The following C1orf115 variants were observed in gnomAD, a reference collection of about 807,000 sequenced individuals.
The protein encoded by C1orf115 is required for drug-induced death protein 1.
C1orf115 carries 14 observed loss-of-function variants against 12.5 expected under a neutral mutation model. The ratio of observed to expected loss-of-function variants is 1.12; its 90% CI spans 0.74 to 1.75. C1orf115 has a LOEUF of 1.75. Among genes scored for constraint, C1orf115 ranks in the 40% most tolerant of loss-of-function variants. C1orf115 has a pLI of 0.00. For synonymous variants in C1orf115, 109 were observed against 104.6 expected (o/e 1.04, Z -0.26); for missense variants, 237 against 220.8 (o/e 1.07, Z -0.46).
In C1orf115 at chr1:220,697,539, C is replaced by T. The variant is rs1294695973; in HGVS notation, c.*808C>T. ...CGGCCCAGCCACGTGTTTGCAGCGA[C>T]CAGAGTCCCTGCAAAGGTGTGGCTG... On this transcript the variant is annotated 3_prime_UTR_variant, in exon 2 of 2. Transcript: ENST00000294889. The surrounding 1 kb of genome is among the most constrained non-coding windows in gnomAD (Gnocchi z 4.5). The T allele has an allele frequency of 6.6e-6, 1 of 152,236 alleles. No homozygotes were observed. Among genetic ancestry groups the T allele is most frequent in the African/African-American group, 2.4e-5 (1 of 41,448 alleles). The allele number at this position is 152,236 out of a possible 1,614,324, so 9.4% of individuals were successfully genotyped here.
chr1:220,696,774 C>T lies in C1orf115; in HGVS notation c.*43C>T. The T allele has an allele frequency of 1.9e-6, 3 of 1,542,090 alleles. No individual in the cohort carries two copies. Among genetic ancestry groups the T allele is most frequent in the Non-Finnish European group, 2.7e-6 (3 of 1,129,684 alleles). On this transcript the variant is annotated 3_prime_UTR_variant, in exon 2 of 2. Coordinates refer to ENST00000294889, the MANE Select transcript of C1orf115 (RefSeq NM_024709.5). Reference sequence around the variant, plus strand: ...GGTGCCCCCAGAGTGAACGGGAGCCCCTGCTGTGGGAACTTTGTGAATCCT... The same window carrying T: ...GGTGCCCCCAGAGTGAACGGGAGCCTCTGCTGTGGGAACTTTGTGAATCCT...
Position 220,694,080 on chromosome 1 carries a change from CAAAAA to C in C1orf115, c.310-2514_310-2510del, listed in dbSNP as rs11353067. ...GGGCAACAAGAGCAAAACGCGGTCT[CAAAAA>C]AAAAAAAAAAAAAAAAAGCTCAAGT... On this transcript the variant is annotated intron_variant, in intron 1 of 1. Transcript: ENST00000294889. Among the ~76,000 whole-genome samples, 7 of 72,042 alleles carry C rather than the reference CAAAAA, an allele frequency of 9.7e-5. No homozygotes were observed. In the South Asian group the frequency reaches 3.4e-3, roughly 35 times the overall value. 47.3% of individuals were successfully genotyped at this position (72,042 alleles called of 152,430 possible). A position where few individuals can be genotyped will look rare whatever the true frequency, so the allele number is the denominator to read the frequency against.
chr1:220,697,019 A>G lies in C1orf115; in HGVS notation c.*288A>G, dbSNP rs1670205610. On this transcript the variant is annotated 3_prime_UTR_variant, in exon 2 of 2. Transcript: ENST00000294889. This position sits in a 1 kb window ranked among gnomAD's most constrained non-coding sequence, Gnocchi z 4.5. ...TGCTAAAGCCAGAGCCTTCACGTGA[A>G]GGTGGCAGGCACTGGGGCGGAAGCC... The G allele has an allele frequency of 1.1e-5, 3 of 261,524 alleles. No individual in the cohort carries two copies. The highest frequency in any genetic ancestry group is 2.2e-5 in the African/African-American group (1 of 45,992). 16.2% of individuals were successfully genotyped at this position (261,524 alleles called of 1,614,324 possible). A position where few individuals can be genotyped will look rare whatever the true frequency, so the allele number is the denominator to read the frequency against.
Position 220,690,631 on chromosome 1 carries a change from C to A in C1orf115, c.229C>A (p.Arg77Ser), listed in dbSNP as rs1389326145. ...GGTGCACTTCGCCCTCCTGCCCGAG[C>A]GCTACGAGCCACTGGAGGAGCCGGC... Reference protein sequence around the residue: ...RRVHFALLPERYEPLEEPAPS... With the variant: ...RRVHFALLPESYEPLEEPAPS... The change falls in exon 1 of 2, where the codon CGC becomes AGC. Residue 77 changes from arginine (R) to serine (S), a missense_variant. Coordinates refer to ENST00000294889, the MANE Select transcript of C1orf115 (RefSeq NM_024709.5). The A allele has an allele frequency of 3.8e-6, 6 of 1,559,962 alleles. No homozygotes were observed. The highest frequency in any genetic ancestry group is 2.0e-4 in the Middle Eastern group (1 of 5,106).
Position 220,696,741 on chromosome 1 carries a change from C to T in C1orf115, c.*10C>T, listed in dbSNP as rs1184986544. ...ATCCTTCGTGCGCTAATGGGAGCTGCTGTGGCAGGTGCCCCCAGAGTGAAC... is the reference window on the plus strand; with the variant it reads ...ATCCTTCGTGCGCTAATGGGAGCTGTTGTGGCAGGTGCCCCCAGAGTGAAC... On this transcript the variant is annotated 3_prime_UTR_variant, in exon 2 of 2. Transcript: ENST00000294889. The T allele has an allele frequency of 8.9e-6, 14 of 1,577,396 alleles. No individual in the cohort carries two copies. The African/African-American group carries it at 1.3e-4, about 15-fold the overall frequency.
chr1:220,690,446 T>C lies in C1orf115; in HGVS notation c.44T>C (p.Leu15Pro), dbSNP rs774787613. 4.0e-4 allele frequency: 572 copies of C among 1,447,494 alleles called. No homozygotes were observed. The highest frequency in any genetic ancestry group is 4.9e-4 in the Non-Finnish European group (538 of 1,108,268). The allele number at this position is 1,447,494 out of a possible 1,614,324, so 89.7% of individuals were successfully genotyped here. A position where few individuals can be genotyped will look rare whatever the true frequency, so the allele number is the denominator to read the frequency against. Residue 15 changes from leucine (L) to proline (P), a missense_variant, in exon 1 of 2, where the codon CTC (leucine) becomes CCC (proline). By Grantham distance (98) the Leu-to-Pro change is moderately conservative (BLOSUM62 -3). Coordinates refer to ENST00000294889, the MANE Select transcript of C1orf115 (RefSeq NM_024709.5). ...CTCCGAAGCAAGGCGGAGAGCAGCC[T>C]CCTGCGCCGCGGGCCCCGAGGGCGA... ...ARLRSKAESS[L>P]LRRGPRGRGR... is the part of the protein sequence containing the mutation.
At chr1:220,691,970 C>T (rs764085285) in intron 1 of C1orf115, among the ~76,000 whole-genome samples, 2 of 152,206 alleles carry the variant, frequency 1.3e-5, no homozygotes, top group Non-Finnish European at 2.9e-5. Context: ...CAGTTCACTC[C>T]TCAGCGGTGA....
chr1:220,691,015 G>T (rs1307896095), intron 1 of C1orf115, among the ~76,000 whole-genome samples: 1 of 152,168 alleles, frequency 6.6e-6, no homozygotes, highest in East Asian at 1.9e-4. Flanking sequence ...TCAGTTTCCT[G>T]ATTACAGATG....
Position 220,694,731 on chromosome 1 carries a change from A to G in C1orf115, c.310-1881A>G, listed in dbSNP as rs144793721. On this transcript the variant is annotated intron_variant, in intron 1 of 1. Transcript: ENST00000294889. Reference sequence around the variant, plus strand: ...CAGAGGAATTGTGGGGTCTTCAAAAAGTGGAGATCTCAAGTAACGAATTGA... The same window carrying G: ...CAGAGGAATTGTGGGGTCTTCAAAAGGTGGAGATCTCAAGTAACGAATTGA... Among the ~76,000 whole-genome samples the G allele has an allele frequency of 2.9e-3, 441 of 152,328 alleles. 1 individual carries two copies. Among genetic ancestry groups the G allele is most frequent in the African/African-American group, 0.01 (418 of 41,582 alleles).
chr1:220,690,766 G>A, intron 1 of C1orf115, 55 bp downstream of exon 1: 1 of 1,526,880 alleles, frequency 6.5e-7, no homozygotes, highest in Non-Finnish European at 8.8e-7. Context: ...GTCCCGCGGG[G>A]GAGCGGGAGC....
At chr1:220,691,017 T>G (rs984122511) in intron 1 of C1orf115, among the ~76,000 whole-genome samples, 2 of 152,148 alleles carry the variant, frequency 1.3e-5, no homozygotes, top group Non-Finnish European at 2.9e-5. Flanking sequence ...AGTTTCCTGA[T>G]TACAGATGGG....
Position 220,696,811 on chromosome 1 carries a change from G to T in C1orf115, c.*80G>T. The T allele has an allele frequency of 2.0e-6, 3 of 1,484,276 alleles. No individual in the cohort carries two copies. Among genetic ancestry groups the T allele is most frequent in the Middle Eastern group, 1.8e-4 (1 of 5,420 alleles). The allele number at this position is 1,484,276 out of a possible 1,614,324, so 91.9% of individuals were successfully genotyped here. On this transcript the variant is annotated 3_prime_UTR_variant, in exon 2 of 2. Coordinates refer to ENST00000294889, the MANE Select transcript of C1orf115 (RefSeq NM_024709.5). ...ACTTTGTGAATCCTGGAGCATCTCA[G>T]ACTTGAACACACAGCATATTTGGAA...
At chr1:220,693,083 G>C (rs989896704) in intron 1 of C1orf115, among the ~76,000 whole-genome samples, 5 of 152,148 alleles carry the variant, frequency 3.3e-5, no homozygotes, top group African/African-American at 1.2e-4. Flanking sequence ...TATAAAGCAG[G>C]TGACCCCTCT....
chr1:220,690,680 G>A lies in C1orf115; in HGVS notation c.278G>A (p.Arg93Lys). ...EPAPSEQPRK[R>K]YRRKLKKYGK... The stretch of plus-strand genomic sequence containing the variant: ...GCGCCGAGCGAGCAGCCCAGGAAGA[G>A]GTACCGGAGGAAGCTGAAGAAGTAC... The change falls in exon 1 of 2, where the codon AGG becomes AAG. Residue 93 changes from arginine (R) to lysine (K), a missense_variant. Physicochemically the swap from Arg to Lys is conservative, Grantham distance 26 (BLOSUM62 2). Transcript: ENST00000294889. The A allele has an allele frequency of 2.5e-6, 4 of 1,596,502 alleles. No individual in the cohort carries two copies. Among genetic ancestry groups the A allele is most frequent in the Non-Finnish European group, 3.4e-6 (4 of 1,172,784 alleles).
chr1:220,692,968 G>A (rs1670135984), intron 1 of C1orf115, among the ~76,000 whole-genome samples: 1 of 152,180 alleles, frequency 6.6e-6, no homozygotes, highest in Admixed American at 6.5e-5. Flanking sequence ...GTGAGAGGAT[G>A]TCGTCAGGTT....
At chr1:220,690,855 G>T in intron 1 of C1orf115, 144 bp downstream of exon 1, 2 of 1,030,470 alleles carry the variant, frequency 1.9e-6, no homozygotes, top group Non-Finnish European at 2.7e-6. Context: ...TTCCCTCGCC[G>T]GAGGGAAGCC....
intron 1 of C1orf115, among the ~76,000 whole-genome samples, chr1:220,693,512 C>T (rs1670143349): frequency 6.6e-6 from 1 of 152,202 alleles, no homozygotes; most frequent in South Asian, 2.1e-4. Context: ...TCTTATCACA[C>T]ATTTAAAGAA....
chr1:220,696,124 A>G (rs1670190607), intron 1 of C1orf115, among the ~76,000 whole-genome samples: 4 of 152,176 alleles, frequency 2.6e-5, no homozygotes, highest in African/African-American at 9.7e-5. Context: ...GAAGACTACA[A>G]AAGGACAGAT....
At chr1:220,695,502 T>G (rs1322158243) in intron 1 of C1orf115, among the ~76,000 whole-genome samples, 2 of 147,402 alleles carry the variant, frequency 1.4e-5, no homozygotes, top group African/African-American at 2.6e-5. Flanking sequence ...GGGTTTTTTT[T>G]TTTTTTTTTT....
Sources: allele counts gnomAD v4.1 joint callset (sites outside exome capture counted in the v4.1 genomes callset), GRCh38; gene constraint gnomAD v4.1.1; non-coding constraint Gnocchi (gnomAD v3.1); transcripts MANE v1.5; gene names NCBI Gene and HGNC (gene_info 2026-07-23, HGNC 2026-07-21).